The following ZBED4 variants were observed in gnomAD, a reference collection of about 807,000 sequenced individuals.
The protein encoded by ZBED4 is zinc finger BED-type containing 4.
ZBED4 carries 4 observed loss-of-function variants against 15.5 expected under a neutral mutation model. The observed-to-expected ratio is 0.26, with a 90% CI of 0.13 to 0.59. ZBED4 has a LOEUF of 0.59. Ranked by LOEUF, ZBED4 falls within the 20% of genes least tolerant of loss-of-function variation. The pLI is 0.90. For missense variants in ZBED4, 1,323 were observed against 1,461.8 expected (o/e 0.91, Z 1.55); for synonymous variants, 692 against 608.5 (o/e 1.14, Z -2.02).
chr22:49,889,065 C>T lies in ZBED4; in HGVS notation c.*1887C>T, dbSNP rs1400611385. The T allele has an allele frequency of 6.0e-6, 1 of 167,240 alleles. No homozygotes were observed. The highest frequency in any genetic ancestry group is 6.5e-5 in the Admixed American group (1 of 15,286). 10.4% of individuals were successfully genotyped at this position (167,240 alleles called of 1,614,324 possible). On this transcript the variant is annotated 3_prime_UTR_variant, in exon 2 of 2. Coordinates refer to ENST00000216268, the MANE Select transcript of ZBED4 (RefSeq NM_014838.3). ...CTCCAAAACAAGCCAGCACAACTAACTGTAGCAGAATTGTATCCACTCATT... is the reference window on the plus strand; with the variant it reads ...CTCCAAAACAAGCCAGCACAACTAATTGTAGCAGAATTGTATCCACTCATT...
chr22:49,877,610 T>G (rs1482332886), intron 1 of ZBED4, among the ~76,000 whole-genome samples: 2 of 152,134 alleles, frequency 1.3e-5, no homozygotes, highest in Non-Finnish European at 2.9e-5. Context: ...CAGCTTTATT[T>G]GGGTATAATT....
rs781323630 is a variant in ZBED4 at position 49,884,237 on chromosome 22, A to G, written c.575A>G (p.Gln192Arg). 3 of 1,601,076 alleles carry G rather than the reference A, an allele frequency of 1.9e-6. No individual in the cohort carries two copies. The highest frequency in any genetic ancestry group is 1.1e-5 in the South Asian group (1 of 89,484). ...TCTCCCTCACTCCTGCTTCCACCAC[A>G]GCCTGCGGACGCGGGTGACCTCAGC... ...FPSPSLLLPPQPADAGDLSTI... is the reference protein window; with the variant it reads ...FPSPSLLLPPRPADAGDLSTI... The change falls in exon 2 of 2, where the codon CAG (glutamine) becomes CGG (arginine). Residue 192 changes from glutamine to arginine, a missense_variant. Physicochemically the swap from Gln to Arg is conservative, Grantham distance 43 (BLOSUM62 1). Around this residue, in one of 6 missense-constraint regions of ZBED4, gnomAD observed 380 missense variants for 413.7 expected, o/e 0.92. Coordinates refer to ENST00000216268, the MANE Select transcript of ZBED4 (RefSeq NM_014838.3).
intron 1 of ZBED4, among the ~76,000 whole-genome samples, chr22:49,875,466 G>A (rs1303411508): frequency 6.8e-6 from 1 of 147,700 alleles, no homozygotes; most frequent in East Asian, 2.0e-4. Flanking sequence ...TGTCACCCAG[G>A]CTGGAGTACA....
chr22:49,861,922 T>C lies in ZBED4; in HGVS notation c.-330+7933T>C, dbSNP rs567365093. On this transcript the variant is annotated intron_variant, in intron 1 of 1. Transcript: ENST00000216268. ...TGGTTGCTGGGTGGGAGGATACATGTAATTTTGGTGAGTGCTTCCAAGTTC... is the reference window on the plus strand; with the variant it reads ...TGGTTGCTGGGTGGGAGGATACATGCAATTTTGGTGAGTGCTTCCAAGTTC... Among the ~76,000 whole-genome samples, 3 of 152,252 alleles carry C rather than the reference T, an allele frequency of 2.0e-5. No homozygotes were observed. In the South Asian group the frequency reaches 6.2e-4, roughly 32 times the overall value.
intron 1 of ZBED4, among the ~76,000 whole-genome samples, chr22:49,882,141 T>C (rs2060412741): frequency 6.6e-6 from 1 of 152,240 alleles, no homozygotes; most frequent in African/African-American, 2.4e-5. Flanking sequence ...AGCTCCTCCC[T>C]GTGGGGGTGA....
chr22:49,886,843 G>C lies in ZBED4; in HGVS notation c.3181G>C (p.Glu1061Gln), dbSNP rs936649487. The C allele has an allele frequency of 6.2e-7, 1 of 1,614,092 alleles. No homozygotes were observed. Among genetic ancestry groups the C allele is most frequent in the South Asian group, 1.1e-5 (1 of 91,078 alleles). Reference sequence around the variant, plus strand: ...CTCCCCGTCGAAAGACTCTGCCGCAGAGGAGAACCTGTGGTCACTTGTGGC... The same window carrying C: ...CTCCCCGTCGAAAGACTCTGCCGCACAGGAGAACCTGTGGTCACTTGTGGC... ...AGSPSKDSAA[E>Q]ENLWSLVAKV... The change falls in exon 2 of 2, where the codon GAG (glutamate) becomes CAG (glutamine). Residue 1061 changes from glutamate to glutamine, a missense_variant. This residue lies in a region of ZBED4 where 312 missense variants were observed against 410.7 expected (regional missense o/e 0.76). Transcript: ENST00000216268. The surrounding 1 kb of genome is among the most constrained non-coding windows in gnomAD (Gnocchi z 7.7).
intron 1 of ZBED4, among the ~76,000 whole-genome samples, chr22:49,875,299 G>A (rs2060370363): frequency 6.6e-6 from 1 of 151,610 alleles, no homozygotes; most frequent in African/African-American, 2.4e-5. Flanking sequence ...TCTGTGGGAA[G>A]GTTTTTCAAC....
intron 1 of ZBED4, among the ~76,000 whole-genome samples, chr22:49,881,062 C>T (rs1231389765): frequency 6.6e-6 from 1 of 152,224 alleles, no homozygotes; most frequent in Non-Finnish European, 1.5e-5. Flanking sequence ...GTTTCATTTT[C>T]TGGCCAGGCG....
intron 1 of ZBED4, among the ~76,000 whole-genome samples, chr22:49,876,242 T>C (rs1233895305): frequency 6.6e-6 from 1 of 152,238 alleles, no homozygotes; most frequent in African/African-American, 2.4e-5. Flanking sequence ...TTGTAAATAA[T>C]GTGTATTCCG....
At chr22:49,868,117 G>A (rs1468235825) in intron 1 of ZBED4, among the ~76,000 whole-genome samples, 3 of 152,186 alleles carry the variant, frequency 2.0e-5, no homozygotes, top group South Asian at 4.1e-4. Flanking sequence ...CATATTCATG[G>A]TTTGTCCCTT....
At chr22:49,870,565 C>G (rs997417553) in intron 1 of ZBED4, among the ~76,000 whole-genome samples, 1 of 152,144 alleles carries the variant, frequency 6.6e-6, no homozygotes, top group African/African-American at 2.4e-5. Flanking sequence ...ATTTGCACTT[C>G]TCTGATGACT....
Position 49,886,806 on chromosome 22 carries a change from G to A in ZBED4, c.3144G>A (p.Arg1048=). 12 of 1,613,384 alleles carry A rather than the reference G, an allele frequency of 7.4e-6. No homozygotes were observed. The highest frequency in any genetic ancestry group is 1.1e-5 in the South Asian group (1 of 90,996). The change falls in exon 2 of 2, where the codon AGG becomes AGA. Residue 1048 remains arginine, a synonymous_variant. Transcript: ENST00000216268. This position sits in a 1 kb window ranked among gnomAD's most constrained non-coding sequence, Gnocchi z 7.7. ...STSEDVAASH[R]CDAGSPSKDS... ...CAGAGGACGTGGCTGCCTCCCACAG[G>A]TGTGATGCTGGCTCCCCGTCGAAAG...
chr22:49,860,774 G>A (rs1485237217), intron 1 of ZBED4, among the ~76,000 whole-genome samples: 2 of 149,272 alleles, frequency 1.3e-5, no homozygotes, highest in Non-Finnish European at 3.0e-5. Flanking sequence ...ACTCTTCTAA[G>A]CAACCTTTTT....
rs541705104 is a variant in ZBED4 at position 49,886,131 on chromosome 22, G to A, written c.2469G>A (p.Ser823=). 7 of 683,538 alleles carry A rather than the reference G, an allele frequency of 1.0e-5. No individual in the cohort carries two copies. Among genetic ancestry groups the A allele is most frequent in the East Asian group, 7.4e-5 (3 of 40,286 alleles). The allele number at this position is 683,538 out of a possible 1,614,324, so 42.3% of individuals were successfully genotyped here. The part of the protein sequence containing the change: ...IGKTLNEGEH[S]SVQCFSHTVN... ...AGACGCTGAACGAGGGGGAGCACTCGAGCGTGCAGTGCTTCAGCCATACGG... is the reference window on the plus strand; with the variant it reads ...AGACGCTGAACGAGGGGGAGCACTCAAGCGTGCAGTGCTTCAGCCATACGG... Residue 823 remains serine (S), a synonymous_variant, in exon 2 of 2, where the codon TCG becomes TCA. Transcript: ENST00000216268. This position sits in a 1 kb window ranked among gnomAD's most constrained non-coding sequence, Gnocchi z 7.7.
intron 1 of ZBED4, among the ~76,000 whole-genome samples, chr22:49,877,855 G>T (rs1018422387): frequency 1.3e-5 from 2 of 151,974 alleles, no homozygotes; most frequent in Non-Finnish European, 2.9e-5. Flanking sequence ...TTGGCCTCCC[G>T]CACTCTGCAG....
rs1285926529 is a variant in ZBED4 at position 49,885,880 on chromosome 22, A to C, written c.2218A>C (p.Thr740Pro). 8.3e-7 allele frequency: 1 copy of C among 1,208,938 alleles called. No individual in the cohort carries two copies. Among genetic ancestry groups the C allele is most frequent in the Non-Finnish European group, 1.2e-6 (1 of 818,230 alleles). 74.9% of individuals were successfully genotyped at this position (1,208,938 alleles called of 1,614,324 possible). A position where few individuals can be genotyped will look rare whatever the true frequency, so the allele number is the denominator to read the frequency against. The change falls in exon 2 of 2, where the codon ACC (threonine) becomes CCC (proline). Residue 740 changes from threonine to proline, a missense_variant. Transcript: ENST00000216268. The part of the protein sequence containing the change: ...FTSGIWMSNQ[T>P]REYLTLTAHW... ...GTCTGGAATATGGATGAGTAACCAG[A>C]CCCGTGAGTACCTGACCCTCACGGC...
Position 49,876,591 on chromosome 22 carries a change from G to A in ZBED4, c.-329-6743G>A, listed in dbSNP as rs190597923. ...AATGTCGCCACTCCAGCTTTCTCTCGGTTTGTATTAACATGGTATACCTTT... is the reference window on the plus strand; with the variant it reads ...AATGTCGCCACTCCAGCTTTCTCTCAGTTTGTATTAACATGGTATACCTTT... On this transcript the variant is annotated intron_variant, in intron 1 of 1. Coordinates refer to ENST00000216268, the MANE Select transcript of ZBED4 (RefSeq NM_014838.3). Among the ~76,000 whole-genome samples the A allele has an allele frequency of 3.9e-5, 6 of 151,958 alleles. No homozygotes were observed. The East Asian group carries it at 5.8e-4, about 15-fold the overall frequency.
intron 1 of ZBED4, among the ~76,000 whole-genome samples, chr22:49,872,240 A>G (rs2060351709): frequency 6.6e-6 from 1 of 152,172 alleles, no homozygotes; most frequent in Admixed American, 6.6e-5. Context: ...AACAGTGTTC[A>G]TAGCATCTCC....
intron 1 of ZBED4, among the ~76,000 whole-genome samples, chr22:49,879,335 C>T (rs1459067047): frequency 6.6e-6 from 1 of 151,838 alleles, no homozygotes; most frequent in Non-Finnish European, 1.5e-5. Context: ...CCATATTGGC[C>T]AAGCTGGTCT....
Sources: allele counts gnomAD v4.1 joint callset (sites outside exome capture counted in the v4.1 genomes callset), GRCh38; gene constraint gnomAD v4.1.1; regional missense constraint gnomAD v4.1.1; non-coding constraint Gnocchi (gnomAD v3.1); transcripts MANE v1.5; gene names NCBI Gene and HGNC (gene_info 2026-07-23, HGNC 2026-07-21).